SPIRE2: variants seen among roughly 807,000 people sequenced by gnomAD.
SPIRE2 encodes the protein protein spire homolog 2.
In SPIRE2, 76 loss-of-function variants were observed where a neutral mutation model predicts 80.7. The observed-to-expected ratio is 0.94, with a 90% CI of 0.78 to 1.14. The LOEUF is 1.14. Ranked by LOEUF, SPIRE2 falls within the 50% of genes most tolerant of loss-of-function variation. The pLI, the probability that SPIRE2 is intolerant of heterozygous loss-of-function variation, is 0.00. For missense variants in SPIRE2, 1,196 were observed against 1,015.3 expected (o/e 1.18, Z -2.42); for synonymous variants, 535 against 432.6 (o/e 1.24, Z -2.94).
intron 1 of SPIRE2, 65 bp from the exon 2 acceptor site, chr16:89,845,257 G>C: frequency 7.0e-7 from 1 of 1,434,276 alleles, no homozygotes; most frequent in East Asian, 2.3e-5. Flanking sequence ...GAGGTGGGGG[G>C]ACAGCAGTGT....
intron 6 of SPIRE2, 127 bp downstream of exon 6, chr16:89,855,813 C>T (rs751200302): frequency 2.3e-4 from 237 of 1,016,856 alleles, no homozygotes; most frequent in Non-Finnish European, 3.2e-4. Context: ...GCGTCTGCGT[C>T]ACGGGTGAGG....
intron 1 of SPIRE2, among the ~76,000 whole-genome samples, chr16:89,834,699 G>A (rs1281295116): frequency 8.1e-6 from 1 of 123,628 alleles, no homozygotes; most frequent in African/African-American, 3.0e-5. Context: ...GTTGGCCGTC[G>A]TAGAAGCCTG....
At chr16:89,854,793 C>T (rs2041673897) in intron 5 of SPIRE2, 142 bp downstream of exon 5, 1 of 844,292 alleles carries the variant, frequency 1.2e-6, no homozygotes. Flanking sequence ...GGTACTGGGT[C>T]ATAAAATATG....
rs372334371 is a variant in SPIRE2 at position 89,870,092 on chromosome 16, C to T, written c.1965C>T (p.Phe655=). The T allele has an allele frequency of 6.8e-6, 11 of 1,613,408 alleles. No individual in the cohort carries two copies. In the African/African-American group the frequency reaches 1.1e-4, roughly 16 times the overall value. The change falls in exon 15 of 15, where the codon TTC becomes TTT. Residue 655 remains phenylalanine (F), a synonymous_variant. Transcript: ENST00000378247. ...AGTGGCAGAGCGTGGAGGAGGCGTT[C>T]CCCCACATCTACTCCCACGGCTGTG... ...GPQWQSVEEA[F]PHIYSHGCVL...
Position 89,863,569 on chromosome 16 carries a change from T to C in SPIRE2, c.1669T>C (p.Leu557=). 1.2e-6 allele frequency: 2 copies of C among 1,614,086 alleles called. No individual in the cohort carries two copies. ...VLVKAEMEKF[L]QNKELFSSLK... is the part of the protein sequence containing the mutation. ...GGTGAAGGCCGAGATGGAAAAGTTTTTGCAGAACAAGGAGCTCTTCAGCAG... is the reference window on the plus strand; with the variant it reads ...GGTGAAGGCCGAGATGGAAAAGTTTCTGCAGAACAAGGAGCTCTTCAGCAG... The change falls in exon 11 of 15, where the codon TTG becomes CTG. Residue 557 remains leucine, a synonymous_variant. Transcript: ENST00000378247. This position sits in a 1 kb window ranked among gnomAD's most constrained non-coding sequence, Gnocchi z 4.3.
chr16:89,839,410 G>A (rs929237747), intron 1 of SPIRE2, among the ~76,000 whole-genome samples: 2 of 151,528 alleles, frequency 1.3e-5, no homozygotes, highest in Admixed American at 6.6e-5. Flanking sequence ...TGTCATGGGT[G>A]TGTGGCCGGG....
rs2143798129 is a variant in SPIRE2, at chr16:89,845,963, C to G, written c.288+598C>G. On this transcript the variant is annotated intron_variant, in intron 2 of 14. Coordinates refer to ENST00000378247, the MANE Select transcript of SPIRE2 (RefSeq NM_032451.2). ...CCAGGCTGGAGTGCAGTGGTGTGAT[C>G]TCGGCTTACTGCAAGCTCCGCCTCC... is the stretch of plus-strand genomic sequence containing the variant. 1.1e-5 allele frequency: 3 copies of G among 262,436 alleles called. No individual in the cohort carries two copies. In the South Asian group the frequency reaches 2.3e-4, roughly 20 times the overall value. The allele number at this position is 262,436 out of a possible 1,614,324, so 16.3% of individuals were successfully genotyped here.
At chr16:89,854,725 C>A (rs2041672985) in intron 5 of SPIRE2, 74 bp downstream of exon 5, 1 of 1,539,828 alleles carries the variant, frequency 6.5e-7, no homozygotes, top group South Asian at 1.2e-5. Context: ...AGATGAGCAG[C>A]CTGGATGTTG....
In SPIRE2 at chr16:89,863,903, A is replaced by C. The variant is rs1567678440; in HGVS notation, c.1778+42A>C. ...GCTGTCAGTTCACAAGGGAAGGAGG[A>C]GGCGAGAAACCTCGGGGCAGTACCG... On this transcript the variant is annotated intron_variant, in intron 12 of 14. Coordinates refer to ENST00000378247, the MANE Select transcript of SPIRE2 (RefSeq NM_032451.2). This position sits in a 1 kb window ranked among gnomAD's most constrained non-coding sequence, Gnocchi z 4.3. 16 of 1,542,586 alleles carry C rather than the reference A, an allele frequency of 1.0e-5. No homozygotes were observed. The highest frequency in any genetic ancestry group is 3.5e-5 in the Admixed American group (2 of 57,546).
rs1017998121 is a variant in SPIRE2, at chr16:89,860,789, G to A, written c.1569G>A (p.Leu523=). The A allele has an allele frequency of 6.6e-7, 1 of 1,508,352 alleles. No homozygotes were observed. The allele number at this position is 1,508,352 out of a possible 1,614,324, so 93.4% of individuals were successfully genotyped here. Reference sequence around the variant, plus strand: ...CCATGACCCCCGATGCCAAACACCTGTGGCTGGTGAGTGAGGGTGCGATTG... The same window carrying A: ...CCATGACCCCCGATGCCAAACACCTATGGCTGGTGAGTGAGGGTGCGATTG... The part of the protein sequence containing the change: ...EASMTPDAKH[L]WLEFSHPVES... Residue 523 remains leucine, a synonymous_variant, in exon 10 of 15, where the codon CTG becomes CTA. Coordinates refer to ENST00000378247, the MANE Select transcript of SPIRE2 (RefSeq NM_032451.2).
intron 1 of SPIRE2, among the ~76,000 whole-genome samples, chr16:89,838,164 A>ACT (rs2041468800): frequency 1.8e-4 from 16 of 87,512 alleles, no homozygotes; most frequent in Non-Finnish European, 2.3e-4. Context: ...CACGCTCAGC[A>ACT]TTTTTTTTTT....
chr16:89,858,415 A>C lies in SPIRE2; in HGVS notation c.1180A>C (p.Thr394Pro). 1.9e-6 allele frequency: 3 copies of C among 1,612,122 alleles called. No individual in the cohort carries two copies. Among genetic ancestry groups the C allele is most frequent in the Non-Finnish European group, 2.5e-6 (3 of 1,179,602 alleles). Reference protein sequence around the residue: ...KSTSCINLSVTDAGGSAQRPR... With the variant: ...KSTSCINLSVPDAGGSAQRPR... ...CACCTCCTGCATCAACCTGTCAGTC[A>C]CAGATGCTGGGGGCAGCGCCCAGCG... Residue 394 changes from threonine (T) to proline (P), a missense_variant, in exon 8 of 15, where the codon ACA becomes CCA. Physicochemically the swap from Thr to Pro is conservative, Grantham distance 38. Coordinates refer to ENST00000378247, the MANE Select transcript of SPIRE2 (RefSeq NM_032451.2).
chr16:89,869,620 TGA>T lies in SPIRE2; in HGVS notation c.1864_1865del (p.Pro623SerfsTer48). ...GHIPVYTLGF[E>X]SPQRVSAAKT... ...ACATCCCTGTCTACACACTGGGCTTTGAGAGTCCTCAGAGGGTATCAGCTGCC... is the reference window on the plus strand; with the variant it reads ...ACATCCCTGTCTACACACTGGGCTTTGAGTCCTCAGAGGGTATCAGCTGCC... On this transcript the variant is annotated frameshift_variant, in exon 14 of 15. Coordinates refer to ENST00000378247, the MANE Select transcript of SPIRE2 (RefSeq NM_032451.2). LOFTEE classifies it high-confidence loss of function. 6.2e-7 allele frequency: 1 copy of T among 1,614,036 alleles called. No homozygotes were observed. Among genetic ancestry groups the T allele is most frequent in the East Asian group, 2.2e-5 (1 of 44,890 alleles).
chr16:89,855,539 C>A, intron 5 of SPIRE2, 61 bp from the exon 6 acceptor site: 1 of 1,474,048 alleles, frequency 6.8e-7, no homozygotes. Flanking sequence ...AGGCCTCTCC[C>A]AGTCGCCCTG....
intron 12 of SPIRE2, among the ~76,000 whole-genome samples, chr16:89,865,037 C>T (rs796665533): frequency 5.1e-5 from 7 of 137,852 alleles, no homozygotes; most frequent in East Asian, 2.1e-4. Flanking sequence ...GAAGGAGTCT[C>T]GCTCTGGCGC....
chr16:89,834,141 T>C (rs2041416414), intron 1 of SPIRE2, among the ~76,000 whole-genome samples: 1 of 150,502 alleles, frequency 6.6e-6, no homozygotes, highest in South Asian at 2.1e-4. Context: ...TGTGAATCTG[T>C]GAACCTGCCT....
chr16:89,855,827 G>A, intron 6 of SPIRE2, 141 bp downstream of exon 6: 2 of 948,464 alleles, frequency 2.1e-6, no homozygotes, highest in South Asian at 1.6e-5. Context: ...GGTGAGGCGG[G>A]CTGGCTTCCT....
intron 2 of SPIRE2, among the ~76,000 whole-genome samples, chr16:89,848,021 G>C (rs1001438085): frequency 6.6e-6 from 1 of 152,192 alleles, no homozygotes; most frequent in African/African-American, 2.4e-5. Context: ...TCGGAGCCAC[G>C]CGACCAGGGA....
At chr16:89,841,421 A>G (rs1382252076) in intron 1 of SPIRE2, among the ~76,000 whole-genome samples, 1 of 152,276 alleles carries the variant, frequency 6.6e-6, no homozygotes, top group East Asian at 1.9e-4. Flanking sequence ...GGTGGTTTGC[A>G]TAACCCCATG....
Sources: gnomAD v4.1 joint callset for allele counts (sites outside exome capture counted in the v4.1 genomes callset) on GRCh38, gnomAD v4.1.1 for gene constraint, Gnocchi (gnomAD v3.1) non-coding constraint, MANE v1.5 for transcripts, NCBI Gene and HGNC (gene_info 2026-07-23, HGNC 2026-07-21) for gene names.